LRMDA: variants seen among roughly 807,000 people sequenced by gnomAD.
LRMDA encodes leucine-rich melanocyte differentiation-associated protein.
A neutral mutation model predicts 29.8 loss-of-function variants in LRMDA; 18 were observed. The observed-to-expected ratio is 0.60, with a 90% CI of 0.42 to 0.90. The LOEUF is 0.90. Among genes scored for constraint, LRMDA ranks in the 40% least tolerant of loss-of-function variants. The pLI is 0.00. For synonymous variants in LRMDA, 125 were observed against 109.4 expected (o/e 1.14, Z -0.89); for missense variants, 273 against 273.9 (o/e 1.00, Z 0.02).
intron 5 of LRMDA, among the ~76,000 whole-genome samples, chr10:76,104,947 A>G (rs1168186861): frequency 2.0e-5 from 3 of 152,150 alleles, no homozygotes; most frequent in Non-Finnish European, 4.4e-5. Flanking sequence ...CTCCTGCTCC[A>G]GGCCTTTGCT....
chr10:76,147,081 T>A (rs1351162608), intron 5 of LRMDA, among the ~76,000 whole-genome samples: 18 of 152,248 alleles, frequency 1.2e-4, no homozygotes, highest in South Asian at 6.2e-4. Flanking sequence ...CTTCCCTTTG[T>A]GGGTAACCCG....
chr10:76,373,646 G>A (rs1841482237), intron 6 of LRMDA, among the ~76,000 whole-genome samples: 1 of 151,954 alleles, frequency 6.6e-6, no homozygotes, highest in African/African-American at 2.4e-5. Flanking sequence ...AGGCCCAATT[G>A]GCCAGTTCCT....
chr10:76,202,103 G>A (rs1421405833), intron 5 of LRMDA, among the ~76,000 whole-genome samples: 1 of 152,150 alleles, frequency 6.6e-6, no homozygotes, highest in Non-Finnish European at 1.5e-5. Context: ...TACCTTTCAA[G>A]TCTGATTCTG....
At chr10:75,458,809 C>G (rs190757870) in intron 2 of LRMDA, among the ~76,000 whole-genome samples, 2 of 152,266 alleles carry the variant, frequency 1.3e-5, no homozygotes, top group African/African-American at 2.4e-5. Context: ...GGCTTGAGAA[C>G]AGTTATCTTC....
intron 6 of LRMDA, among the ~76,000 whole-genome samples, chr10:76,484,789 C>G (rs1346174419): frequency 2.6e-5 from 4 of 151,706 alleles, no homozygotes; most frequent in African/African-American, 9.7e-5. Flanking sequence ...CCTTGCAGTC[C>G]TAGTACTTTT....
chr10:76,285,893 A>G (rs1246690982), intron 5 of LRMDA, among the ~76,000 whole-genome samples: 1 of 152,226 alleles, frequency 6.6e-6, no homozygotes, highest in Non-Finnish European at 1.5e-5. Context: ...GTCCCTCTTG[A>G]AAAGGCAGTA....
At chr10:75,950,674 T>C (rs1846558597) in intron 2 of LRMDA, among the ~76,000 whole-genome samples, 1 of 152,214 alleles carries the variant, frequency 6.6e-6, no homozygotes, top group African/African-American at 2.4e-5. Context: ...TTAATGACAA[T>C]ACTTTTTGTG....
At chr10:75,777,313 G>C (rs563453708) in intron 2 of LRMDA, among the ~76,000 whole-genome samples, 17 of 152,308 alleles carry the variant, frequency 1.1e-4, no homozygotes, top group East Asian at 7.7e-4. Context: ...TCCCAGAGCT[G>C]TGTGTCTCTG....
At chr10:76,516,103 C>G (rs1231918185) in intron 6 of LRMDA, among the ~76,000 whole-genome samples, 1 of 152,120 alleles carries the variant, frequency 6.6e-6, no homozygotes, top group East Asian at 1.9e-4. Context: ...AAGAAAGTTT[C>G]ATAAGCTTAG....
chr10:76,098,703 A>G (rs1283203994), intron 5 of LRMDA, among the ~76,000 whole-genome samples: 1 of 152,150 alleles, frequency 6.6e-6, no homozygotes, highest in Non-Finnish European at 1.5e-5. Context: ...GACAGAGCCA[A>G]TTTATCAAGA....
At chr10:75,898,463 A>G (rs1845619408) in intron 2 of LRMDA, among the ~76,000 whole-genome samples, 1 of 152,114 alleles carries the variant, frequency 6.6e-6, no homozygotes, top group Non-Finnish European at 1.5e-5. Flanking sequence ...TCTTCATCTC[A>G]CTTGTTCCTG....
chr10:75,802,335 G>GCGCACA (rs1375156075), intron 2 of LRMDA, among the ~76,000 whole-genome samples: 265 of 147,142 alleles, frequency 1.8e-3, no homozygotes, highest in African/African-American at 3.5e-3. Context: ...ACACACACGC[G>GCGCACA]CACACACACA....
At chr10:75,773,302 A>C (rs1158291583) in intron 2 of LRMDA, among the ~76,000 whole-genome samples, 1 of 152,198 alleles carries the variant, frequency 6.6e-6, no homozygotes, top group Non-Finnish European at 1.5e-5. Context: ...GCTGCAATGG[A>C]AAGATTGTAG....
chr10:76,261,329 C>T (rs373769412), intron 5 of LRMDA, among the ~76,000 whole-genome samples: 19 of 151,972 alleles, frequency 1.3e-4, no homozygotes, highest in African/African-American at 4.1e-4. Flanking sequence ...GCCTCGGCCT[C>T]CCAAAGTGCT....
At chr10:75,468,217 C>T (rs768047151) in intron 2 of LRMDA, among the ~76,000 whole-genome samples, 2 of 152,086 alleles carry the variant, frequency 1.3e-5, no homozygotes, top group African/African-American at 2.4e-5. Context: ...AAATGGTTGT[C>T]GGTTTCCCCC....
chr10:76,425,328 A>G (rs1842112616), intron 6 of LRMDA, among the ~76,000 whole-genome samples: 1 of 152,108 alleles, frequency 6.6e-6, no homozygotes, highest in African/African-American at 2.4e-5. Context: ...AATAAGAGAG[A>G]ATTTAGACAA....
At chr10:76,162,074 A>G (rs1373004320) in intron 5 of LRMDA, among the ~76,000 whole-genome samples, 1 of 152,214 alleles carries the variant, frequency 6.6e-6, no homozygotes, top group African/African-American at 2.4e-5. Flanking sequence ...TCTTGAGTTC[A>G]AGCTAATAAC....
intron 2 of LRMDA, among the ~76,000 whole-genome samples, chr10:75,658,130 C>A (rs530887627): frequency 1.3e-5 from 2 of 152,108 alleles, no homozygotes; most frequent in South Asian, 2.1e-4. Context: ...TGGAGAGACA[C>A]CTCAGGCTCT....
intron 2 of LRMDA, among the ~76,000 whole-genome samples, chr10:75,841,972 C>A (rs1844548188): frequency 6.6e-6 from 1 of 152,188 alleles, no homozygotes; most frequent in African/African-American, 2.4e-5. Context: ...TGGGGCTGAA[C>A]TCATCGCTTG....
Sources: allele counts gnomAD v4.1 joint callset (sites outside exome capture counted in the v4.1 genomes callset), GRCh38; gene constraint gnomAD v4.1.1; transcripts MANE v1.5; gene names NCBI Gene and HGNC (gene_info 2026-07-23, HGNC 2026-07-21).